The following SEC23IP variants were observed in gnomAD, a reference collection of about 807,000 sequenced individuals.
SEC23IP encodes SEC23 interacting protein, also known as SEC23-interacting protein.
Under a neutral mutation model 113.4 loss-of-function variants are expected in SEC23IP, and 70 were observed. The ratio of observed to expected loss-of-function variants is 0.62; its 90% CI spans 0.51 to 0.75. SEC23IP has a LOEUF of 0.75. Ranked by LOEUF, SEC23IP falls within the 30% of genes least tolerant of loss-of-function variation. SEC23IP has a pLI of 0.00. For synonymous variants in SEC23IP, 398 were observed against 421.0 expected (o/e 0.95, Z 0.67); for missense variants, 1,160 against 1,204.9 (o/e 0.96, Z 0.55).
At chr10:119,936,557 A>G (rs1195490761) in intron 18 of SEC23IP, among the ~76,000 whole-genome samples, 1 of 151,730 alleles carries the variant, frequency 6.6e-6, no homozygotes, top group Non-Finnish European at 1.5e-5. Context: ...AAAAAAAAAA[A>G]AAAAAAAGCT....
intron 4 of SEC23IP, among the ~76,000 whole-genome samples, chr10:119,907,152 C>T (rs1333317361): frequency 6.6e-6 from 1 of 151,612 alleles, no homozygotes; most frequent in African/African-American, 2.4e-5. Flanking sequence ...CAAAATTAGC[C>T]AGGTATGGTT....
chr10:119,905,164 G>T (rs1854622504), intron 4 of SEC23IP, among the ~76,000 whole-genome samples: 1 of 151,750 alleles, frequency 6.6e-6, no homozygotes, highest in East Asian at 1.9e-4. Context: ...ATTTGTATAT[G>T]TGCATATATG....
chr10:119,933,219 G>T, intron 17 of SEC23IP, 52 bp downstream of exon 17: 1 of 1,486,752 alleles, frequency 6.7e-7, no homozygotes, highest in Non-Finnish European at 9.3e-7. Flanking sequence ...GTGCTAGCAC[G>T]TGCAGCAATT....
intron 5 of SEC23IP, 151 bp from the exon 6 acceptor site, chr10:119,911,893 A>G: frequency 1.2e-6 from 1 of 811,584 alleles, no homozygotes; most frequent in South Asian, 2.2e-5. Context: ...CACTAGCAAG[A>G]CTCCTTCAAA....
rs1017289724 is a variant in SEC23IP at position 119,940,833 on chromosome 10, C to G, written c.*268C>G. On this transcript the variant is annotated 3_prime_UTR_variant, in exon 19 of 19. Transcript: ENST00000369075. Reference sequence around the variant, plus strand: ...TATAAAAATGATGCCATGAAAAATTCCACAGATCAGTTTAGTTGTATAGTT... The same window carrying G: ...TATAAAAATGATGCCATGAAAAATTGCACAGATCAGTTTAGTTGTATAGTT... The G allele has an allele frequency of 8.5e-5, 13 of 152,110 alleles. No individual in the cohort carries two copies. The highest frequency in any genetic ancestry group is 2.7e-4 in the African/African-American group (11 of 41,410). 9.4% of individuals were successfully genotyped at this position (152,110 alleles called of 1,614,324 possible). A position where few individuals can be genotyped will look rare whatever the true frequency, so the allele number is the denominator to read the frequency against.
At position 119,926,161 on chromosome 10, in the gene SEC23IP, TC is replaced by T; in HGVS notation, c.2249del (p.Pro750GlnfsTer11). 1.2e-6 allele frequency: 2 copies of T among 1,614,160 alleles called. No homozygotes were observed. Among genetic ancestry groups the T allele is most frequent in the Non-Finnish European group, 1.7e-6 (2 of 1,180,008 alleles). On this transcript the variant is annotated frameshift_variant, in exon 13 of 19. Transcript: ENST00000369075. LOFTEE classifies it high-confidence loss of function. ...AATCCAATGAGCCAAAGAGGAAACT[TC>T]CAGTTGGTGCTTGCGTGTCTTCTGT... ...SESNEPKRKL[P>X]VGACVSSVCV... is the part of the protein sequence containing the mutation.
intron 13 of SEC23IP, among the ~76,000 whole-genome samples, chr10:119,928,334 TTC>T (rs1305682361): frequency 6.6e-6 from 1 of 152,258 alleles, no homozygotes; most frequent in African/African-American, 2.4e-5. Context: ...TTATAAATAT[TTC>T]TTCCAGTTTG....
chr10:119,910,757 G>T (rs577619258), intron 5 of SEC23IP, among the ~76,000 whole-genome samples: 2 of 151,868 alleles, frequency 1.3e-5, no homozygotes, highest in Non-Finnish European at 2.9e-5. Flanking sequence ...ATCACAACTC[G>T]CTGCATCCTC....
At chr10:119,893,113 G>A (rs983928700) in intron 1 of SEC23IP, among the ~76,000 whole-genome samples, 168 bp downstream of exon 1, 1 of 152,128 alleles carries the variant, frequency 6.6e-6, no homozygotes, top group Admixed American at 6.5e-5. Flanking sequence ...GATCTTGGAG[G>A]TGGCAGGTGA....
chr10:119,934,263 C>T (rs1344892730), intron 18 of SEC23IP, among the ~76,000 whole-genome samples: 1 of 152,206 alleles, frequency 6.6e-6, no homozygotes, highest in Admixed American at 6.5e-5. Flanking sequence ...TCTACATTCA[C>T]AACATGAATA....
Position 119,926,155 on chromosome 10 carries a change from G to A in SEC23IP, c.2241G>A (p.Arg747=), listed in dbSNP as rs1855413672. The part of the protein sequence containing the change: ...SLPSESNEPK[R]KLPVGACVSS... ...CCTCAGAATCCAATGAGCCAAAGAG[G>A]AAACTTCCAGTTGGTGCTTGCGTGT... The change falls in exon 13 of 19, where the codon AGG becomes AGA. Residue 747 remains arginine (R), a synonymous_variant. Coordinates refer to ENST00000369075, the MANE Select transcript of SEC23IP (RefSeq NM_007190.4). 6.2e-7 allele frequency: 1 copy of A among 1,614,126 alleles called. No homozygotes were observed.
intron 4 of SEC23IP, among the ~76,000 whole-genome samples, chr10:119,906,685 C>T (rs372213676): frequency 2.0e-5 from 3 of 152,096 alleles, no homozygotes; most frequent in African/African-American, 7.2e-5. Flanking sequence ...AAGCGATTCT[C>T]CTGCCTCAGC....
intron 14 of SEC23IP, among the ~76,000 whole-genome samples, 163 bp from the exon 15 acceptor site, chr10:119,930,166 A>G (rs576784233): frequency 2.4e-4 from 36 of 152,234 alleles, no homozygotes; most frequent in Non-Finnish European, 4.7e-4. Context: ...CTTACACACA[A>G]ACTAGAAAAT....
chr10:119,907,052 C>T (rs1854695313), intron 4 of SEC23IP, among the ~76,000 whole-genome samples: 1 of 150,694 alleles, frequency 6.6e-6, no homozygotes, highest in African/African-American at 2.4e-5. Flanking sequence ...AATCCCAGCA[C>T]TTTGGAGGCC....
chr10:119,936,646 C>A (rs1855795984), intron 18 of SEC23IP, among the ~76,000 whole-genome samples: 1 of 151,374 alleles, frequency 6.6e-6, no homozygotes, highest in African/African-American at 2.4e-5. Context: ...ATGTAAAGGC[C>A]AGTATGCTTG....
chr10:119,908,878 A>G (rs558171131), intron 4 of SEC23IP, among the ~76,000 whole-genome samples, 163 bp from the exon 5 acceptor site: 1 of 152,312 alleles, frequency 6.6e-6, no homozygotes, highest in East Asian at 1.9e-4. Context: ...AATTACTTCA[A>G]TGGTATGTGT....
intron 12 of SEC23IP, among the ~76,000 whole-genome samples, chr10:119,921,198 A>G (rs909829018): frequency 6.6e-6 from 1 of 152,194 alleles, no homozygotes; most frequent in East Asian, 1.9e-4. Flanking sequence ...TCCTGGGACT[A>G]AGTTCCTAGG....
chr10:119,905,298 C>T (rs1478007493), intron 4 of SEC23IP, among the ~76,000 whole-genome samples: 3 of 152,200 alleles, frequency 2.0e-5, no homozygotes, highest in Non-Finnish European at 4.4e-5. Flanking sequence ...TAGGCCCCTA[C>T]GAAGCTATCA....
Position 119,933,097 on chromosome 10 carries a change from G to T in SEC23IP, c.2851G>T (p.Val951Phe), listed in dbSNP as rs756330451. 1.2e-6 allele frequency: 2 copies of T among 1,613,914 alleles called. No homozygotes were observed. Among genetic ancestry groups the T allele is most frequent in the Non-Finnish European group, 8.5e-7 (1 of 1,179,808 alleles). The change falls in exon 17 of 19, where the codon GTT becomes TTT. Residue 951 changes from valine (V) to phenylalanine (F), a missense_variant. Transcript: ENST00000369075. ...MLNGGRRIDY[V>F]LQEKPIESFN... ...AAATGGAGGCCGCCGAATTGACTAC[G>T]TTCTCCAAGAAAAACCAATAGAGAG... is the stretch of plus-strand genomic sequence containing the variant.
Sources: allele counts gnomAD v4.1 joint callset (sites outside exome capture counted in the v4.1 genomes callset), GRCh38; gene constraint gnomAD v4.1.1; transcripts MANE v1.5; gene names NCBI Gene and HGNC (gene_info 2026-07-23, HGNC 2026-07-21).